The following CCDC25 variants were observed in gnomAD, a reference collection of about 807,000 sequenced individuals.
CCDC25 encodes the protein coiled-coil domain containing 25.
Under a neutral mutation model 35.3 loss-of-function variants are expected in CCDC25, and 16 were observed. The observed-to-expected ratio is 0.45, with a 90% CI of 0.31 to 0.69. The LOEUF (loss-of-function observed/expected upper bound fraction) is 0.69, where lower values mean the gene tolerates loss of function less well. CCDC25 is among the 30% of genes least tolerant of loss of function. The pLI, the probability that CCDC25 is intolerant of heterozygous loss-of-function variation, is 0.06. For missense variants in CCDC25, 179 were observed against 250.7 expected, an observed-to-expected ratio of 0.71 and a Z score of 1.93; for synonymous variants, 79 against 80.3, an observed-to-expected ratio of 0.98 and a Z score of 0.09.
At chr8:27,756,957 G>A (rs1804027644) in intron 3 of CCDC25, among the ~76,000 whole-genome samples, 187 bp from the exon 4 acceptor site, 1 of 152,300 alleles carries the variant, frequency 6.6e-6, no homozygotes, top group East Asian at 1.9e-4. Flanking sequence ...AGAGGTACGA[G>A]AAACACTGAA....
chr8:27,745,960 A>G (rs1209898854), intron 7 of CCDC25, among the ~76,000 whole-genome samples: 3 of 152,252 alleles, frequency 2.0e-5, no homozygotes, highest in Non-Finnish European at 4.4e-5. Context: ...TTTTCCCTTC[A>G]GTTAATAGGA....
chr8:27,772,444 G>A lies in CCDC25; in HGVS notation c.28+69C>T, dbSNP rs192598689. On this transcript the variant is annotated intron_variant, in intron 1 of 8. Coordinates refer to ENST00000356537, the MANE Select transcript of CCDC25 (RefSeq NM_018246.3). ...TTTAGAGCGAGGGTCAGGCGCAGCG[G>A]CGGACTGCGGGTCCCGGCTTCGGAG... 1.2e-4 allele frequency: 183 copies of A among 1,468,232 alleles called. No individual in the cohort carries two copies. In the East Asian group the frequency reaches 3.7e-3, roughly 29 times the overall value. The allele number at this position is 1,468,232 out of a possible 1,614,324, so 91.0% of individuals were successfully genotyped here. A position where few individuals can be genotyped will look rare whatever the true frequency, so the allele number is the denominator to read the frequency against.
At chr8:27,771,198 C>G (rs909340318) in intron 1 of CCDC25, among the ~76,000 whole-genome samples, 3 of 152,134 alleles carry the variant, frequency 2.0e-5, no homozygotes, top group African/African-American at 7.2e-5. Flanking sequence ...TTGCCTACAG[C>G]CATTCAGTAC....
chr8:27,742,395 G>A (rs62498014), intron 7 of CCDC25, among the ~76,000 whole-genome samples: 32,793 of 152,170 alleles, frequency 0.22, 4,407 homozygotes, highest in Middle Eastern at 0.33. Context: ...ATGAGCAGGA[G>A]GAGAAAGACA....
chr8:27,746,267 C>T (rs1803599617), intron 7 of CCDC25, among the ~76,000 whole-genome samples: 1 of 152,140 alleles, frequency 6.6e-6, no homozygotes, highest in Non-Finnish European at 1.5e-5. Context: ...GCCAAATGAG[C>T]TTATAACAAG....
At chr8:27,741,842 T>C in intron 7 of CCDC25, among the ~76,000 whole-genome samples, 1 of 152,226 alleles carries the variant, frequency 6.6e-6, no homozygotes, top group East Asian at 1.9e-4. Context: ...AAGCCCATTG[T>C]ACAAAATAAG....
chr8:27,761,834 C>CT (rs983727509), intron 3 of CCDC25, among the ~76,000 whole-genome samples: 20 of 151,400 alleles, frequency 1.3e-4, no homozygotes, highest in Non-Finnish European at 1.9e-4. Flanking sequence ...GTTTGGTATT[C>CT]TTTTTTTTTG....
Position 27,767,965 on chromosome 8 carries a change from G to A in CCDC25, c.29-2714C>T, listed in dbSNP as rs190707333. 3.9e-4 allele frequency among the ~76,000 whole-genome samples: 59 copies of A among 152,298 alleles called. No individual in the cohort carries two copies. The East Asian group carries it at 9.5e-3, about 24-fold the overall frequency. ...GTCTGTAATCCCACCACTTTGGGAG[G>A]CTGAGGCAGGTGGATTACTTGGGCC... On this transcript the variant is annotated intron_variant, in intron 1 of 8. Coordinates refer to ENST00000356537, the MANE Select transcript of CCDC25 (RefSeq NM_018246.3).
chr8:27,750,458 C>T (rs747077255), intron 5 of CCDC25, among the ~76,000 whole-genome samples: 3 of 152,122 alleles, frequency 2.0e-5, no homozygotes, highest in Non-Finnish European at 4.4e-5. Flanking sequence ...ATTAACACTC[C>T]ATCAGTGTTA....
chr8:27,745,010 T>C (rs1283168075), intron 7 of CCDC25, among the ~76,000 whole-genome samples: 1 of 152,182 alleles, frequency 6.6e-6, no homozygotes, highest in South Asian at 2.1e-4. Context: ...CACAGCTTTT[T>C]ATTTTTATTT....
Position 27,736,194 on chromosome 8 carries a change from GTCCTTTTC to G in CCDC25, c.*14_*21del, listed in dbSNP as rs745542951. On this transcript the variant is annotated 3_prime_UTR_variant, in exon 9 of 9. Coordinates refer to ENST00000356537, the MANE Select transcript of CCDC25 (RefSeq NM_018246.3). ...GTCTCTACATTCACATCTTTCAAAG[GTCCTTTTC>G]TCCTTTTCTCCTTTTACATGAATTC... is the stretch of plus-strand genomic sequence containing the variant. 7.0e-5 allele frequency: 113 copies of G among 1,605,022 alleles called. No individual in the cohort carries two copies. Among genetic ancestry groups the G allele is most frequent in the African/African-American group, 1.7e-4 (13 of 74,550 alleles).
chr8:27,758,607 A>G (rs112758266), intron 3 of CCDC25, among the ~76,000 whole-genome samples: 1,566 of 152,322 alleles, frequency 0.01, 17 homozygotes, highest in Non-Finnish European at 0.016. Context: ...TACATATCTC[A>G]TTATCCTCTT....
chr8:27,752,410 T>C lies in CCDC25; in HGVS notation c.244+102A>G, dbSNP rs1424684223. ...GCAAAGGCACAGCACATGTTATTCTTTGATGGAGGCCAAAGTCAACAGCAT... is the reference window on the plus strand; with the variant it reads ...GCAAAGGCACAGCACATGTTATTCTCTGATGGAGGCCAAAGTCAACAGCAT... On this transcript the variant is annotated intron_variant, in intron 5 of 8. Coordinates refer to ENST00000356537, the MANE Select transcript of CCDC25 (RefSeq NM_018246.3). The C allele has an allele frequency of 6.8e-6, 6 of 880,436 alleles. No individual in the cohort carries two copies. The African/African-American group carries it at 1.0e-4, about 15-fold the overall frequency. The allele number at this position is 880,436 out of a possible 1,614,324, so 54.5% of individuals were successfully genotyped here.
At position 27,748,122 on chromosome 8, in the gene CCDC25, C is replaced by G; in HGVS notation, c.506G>C (p.Arg169Thr). 1 of 1,612,976 alleles carries G rather than the reference C, an allele frequency of 6.2e-7. No individual in the cohort carries two copies. The highest frequency in any genetic ancestry group is 8.5e-7 in the Non-Finnish European group (1 of 1,179,820). Residue 169 changes from arginine (R) to threonine (T), a missense_variant, in exon 7 of 9, where the codon AGA (arginine) becomes ACA (threonine). Coordinates refer to ENST00000356537, the MANE Select transcript of CCDC25 (RefSeq NM_018246.3). ...KKAQIQEMKK[R>T]EKEEMKKKRE... is the part of the protein sequence containing the mutation. Reference sequence around the variant, plus strand: ...CTTCTTCTTCATTTCTTCTTTTTCTCTCTTTTTCATTTCCTGAATTTGGGC... The same window carrying G: ...CTTCTTCTTCATTTCTTCTTTTTCTGTCTTTTTCATTTCCTGAATTTGGGC...
At chr8:27,753,269 A>C (rs1328404484) in intron 4 of CCDC25, among the ~76,000 whole-genome samples, 1 of 152,210 alleles carries the variant, frequency 6.6e-6, no homozygotes, top group Admixed American at 6.5e-5. Flanking sequence ...CAGAATTCAA[A>C]GCCAGCAGTC....
chr8:27,772,266 A>C (rs1490740121), intron 1 of CCDC25, among the ~76,000 whole-genome samples: 1 of 152,102 alleles, frequency 6.6e-6, no homozygotes, highest in East Asian at 1.9e-4. Context: ...GGGGACGAGA[A>C]CTCCCCGATA....
chr8:27,763,499 C>T (rs888910629), intron 2 of CCDC25, among the ~76,000 whole-genome samples: 1 of 152,188 alleles, frequency 6.6e-6, no homozygotes, highest in African/African-American at 2.4e-5. Context: ...GAGCAGATCA[C>T]CTGAGGTCAG....
Position 27,736,102 on chromosome 8 carries a change from G to T in CCDC25, c.*114C>A. The T allele has an allele frequency of 2.1e-6, 2 of 947,366 alleles. No individual in the cohort carries two copies. The highest frequency in any genetic ancestry group is 3.2e-6 in the Non-Finnish European group (2 of 628,870). 58.7% of individuals were successfully genotyped at this position (947,366 alleles called of 1,614,324 possible). On this transcript the variant is annotated 3_prime_UTR_variant, in exon 9 of 9. Coordinates refer to ENST00000356537, the MANE Select transcript of CCDC25 (RefSeq NM_018246.3). ...TTGAAAATCAATAATTTCTGGGTAG[G>T]ATGAAGGTAGAATTTTGGTTGTATT... is the stretch of plus-strand genomic sequence containing the variant.
At position 27,762,913 on chromosome 8, in the gene CCDC25, A is replaced by G. The variant is rs571535009; in HGVS notation, c.77-455T>C. On this transcript the variant is annotated intron_variant, in intron 2 of 8. Transcript: ENST00000356537. ...AAACAAACATTAGAAGTATAAAAAG[A>G]AAATAAAAATCACCTTAAATTCTAT... 1.6e-4 allele frequency among the ~76,000 whole-genome samples: 25 copies of G among 152,324 alleles called. 1 individual carries two copies. Among genetic ancestry groups the G allele is most frequent in the African/African-American group, 6.0e-4 (25 of 41,580 alleles).
Sources: gnomAD v4.1 joint callset for allele counts (sites outside exome capture counted in the v4.1 genomes callset) on GRCh38, gnomAD v4.1.1 for gene constraint, MANE v1.5 for transcripts, NCBI Gene and HGNC (gene_info 2026-07-23, HGNC 2026-07-21) for gene names.